Variants in MKLN1 observed in about 807,000 individuals in gnomAD.
MKLN1 encodes muskelin 1.
In MKLN1, 18 loss-of-function variants were observed where a neutral mutation model predicts 99.0. The observed-to-expected ratio is 0.18, with a 90% CI of 0.13 to 0.27. The LOEUF is 0.27. MKLN1 is among the 10% of genes least tolerant of loss of function. MKLN1 has a pLI of 1.00. For missense variants in MKLN1, 621 were observed against 875.9 expected (o/e 0.71, Z 3.67); for synonymous variants, 288 against 293.2 (o/e 0.98, Z 0.18).
chr7:131,452,862 T>C (rs1248884620), intron 12 of MKLN1, among the ~76,000 whole-genome samples: 3 of 152,192 alleles, frequency 2.0e-5, no homozygotes, highest in Non-Finnish European at 4.4e-5. Context: ...CCTTTTATAC[T>C]TTTACCAATT....
chr7:131,370,077 A>G (rs1800300328), intron 1 of MKLN1, among the ~76,000 whole-genome samples: 1 of 152,210 alleles, frequency 6.6e-6, no homozygotes, highest in Admixed American at 6.5e-5. Flanking sequence ...ACCTCAGGTG[A>G]TCCGCCGGCT....
chr7:131,133,599 G>A (rs1473606918), intron 1 of MKLN1, among the ~76,000 whole-genome samples: 6 of 150,752 alleles, frequency 4.0e-5, no homozygotes, highest in Non-Finnish European at 7.4e-5. Context: ...TGATCCGCCC[G>A]CCTCGGCCTC....
At chr7:131,446,289 A>G (rs1407432558) in intron 12 of MKLN1, among the ~76,000 whole-genome samples, 1 of 152,148 alleles carries the variant, frequency 6.6e-6, no homozygotes, top group African/African-American at 2.4e-5. Context: ...GGGGAACTTC[A>G]TGGGATTGGT....
At chr7:131,241,943 G>T (rs957835688) in intron 3 of MKLN1, among the ~76,000 whole-genome samples, 1 of 151,992 alleles carries the variant, frequency 6.6e-6, no homozygotes, top group African/African-American at 2.4e-5. Context: ...TCTCTTACCC[G>T]CTTGCAACAC....
intron 3 of MKLN1, among the ~76,000 whole-genome samples, chr7:131,220,908 C>T (rs1797050691): frequency 3.3e-5 from 5 of 152,084 alleles, no homozygotes; most frequent in Admixed American, 2.6e-4. Context: ...TATTATATAA[C>T]ATATTATGTA....
At chr7:131,306,958 G>A (rs1376745834) in intron 3 of MKLN1, among the ~76,000 whole-genome samples, 1 of 152,294 alleles carries the variant, frequency 6.6e-6, no homozygotes, top group Admixed American at 6.5e-5. Context: ...AGGCCTAGGA[G>A]GGAAAAATGG....
chr7:131,133,332 T>C (rs1429396330), intron 1 of MKLN1, among the ~76,000 whole-genome samples: 2 of 42,604 alleles, frequency 4.7e-5, no homozygotes, highest in Non-Finnish European at 7.7e-5. Flanking sequence ...TAATTTTAAT[T>C]TTTTTTTTCT....
chr7:131,456,842 C>G (rs1298720739), intron 12 of MKLN1, among the ~76,000 whole-genome samples: 1 of 151,992 alleles, frequency 6.6e-6, no homozygotes, highest in African/African-American at 2.4e-5. Context: ...TGAGTCCTCT[C>G]CAATATATCT....
chr7:131,354,001 G>A (rs556083696), intron 1 of MKLN1, among the ~76,000 whole-genome samples: 1 of 151,236 alleles, frequency 6.6e-6, no homozygotes, highest in South Asian at 2.1e-4. Context: ...CCATCTGCTA[G>A]TATTATACTT....
intron 3 of MKLN1, among the ~76,000 whole-genome samples, chr7:131,221,511 T>C (rs934738309): frequency 2.0e-5 from 3 of 150,728 alleles, no homozygotes; most frequent in African/African-American, 7.3e-5. Flanking sequence ...ACTTTTTTTT[T>C]TTTTTTTTTT....
chr7:131,190,538 A>G (rs1796519746), intron 2 of MKLN1, among the ~76,000 whole-genome samples: 1 of 151,558 alleles, frequency 6.6e-6, no homozygotes, highest in Admixed American at 6.6e-5. Context: ...CTTTAGCTCT[A>G]AACTATGCAG....
intron 2 of MKLN1, among the ~76,000 whole-genome samples, chr7:131,158,541 G>A (rs578186368): frequency 6.6e-6 from 1 of 152,230 alleles, no homozygotes; most frequent in East Asian, 1.9e-4. Flanking sequence ...TTTACTCAGG[G>A]GTTAAAAGTC....
At chr7:131,282,365 A>G (rs1326551536) in intron 3 of MKLN1, among the ~76,000 whole-genome samples, 2 of 151,788 alleles carry the variant, frequency 1.3e-5, no homozygotes, top group African/African-American at 2.4e-5. Context: ...AAAAAAAAAA[A>G]AAAAGAAAGA....
At chr7:131,188,299 C>A (rs1175331804) in intron 2 of MKLN1, among the ~76,000 whole-genome samples, 2 of 152,192 alleles carry the variant, frequency 1.3e-5, no homozygotes, top group Non-Finnish European at 2.9e-5. Context: ...TCATAACAAA[C>A]CATCTTAAAA....
At chr7:131,463,116 G>C in intron 12 of MKLN1, 101 bp from the exon 13 acceptor site, 1 of 1,030,480 alleles carries the variant, frequency 9.7e-7, no homozygotes, top group African/African-American at 1.6e-5. Context: ...AGAGTGAAAT[G>C]CTGTTCTTTA....
intron 1 of MKLN1, among the ~76,000 whole-genome samples, chr7:131,367,671 T>G (rs1800220119): frequency 6.6e-6 from 1 of 152,208 alleles, no homozygotes; most frequent in African/African-American, 2.4e-5. Flanking sequence ...TCTCTTTTAT[T>G]ATTCTTACCT....
intron 1 of MKLN1, among the ~76,000 whole-genome samples, chr7:131,347,725 A>T (rs539474125): frequency 6.6e-6 from 1 of 152,256 alleles, no homozygotes; most frequent in East Asian, 1.9e-4. Context: ...TCAGCATTTC[A>T]TTTATACTTA....
intron 2 of MKLN1, among the ~76,000 whole-genome samples, chr7:131,192,150 T>G (rs1796562359): frequency 8.3e-6 from 1 of 120,858 alleles, no homozygotes; most frequent in Non-Finnish European, 1.6e-5. Flanking sequence ...TATACGTATA[T>G]ATACATATAT....
intron 8 of MKLN1, among the ~76,000 whole-genome samples, chr7:131,426,458 G>A (rs893576447): frequency 6.6e-6 from 1 of 151,266 alleles, no homozygotes; most frequent in South Asian, 2.1e-4. Flanking sequence ...TTTTTTTTCT[G>A]TAAAATTATG....
Sources: allele counts gnomAD v4.1 joint callset (sites outside exome capture counted in the v4.1 genomes callset), GRCh38; gene constraint gnomAD v4.1.1; transcripts MANE v1.5; gene names NCBI Gene and HGNC (gene_info 2026-07-23, HGNC 2026-07-21).